MTMR8: variants seen among roughly 807,000 people sequenced by gnomAD.
MTMR8 encodes myotubularin related protein 8, also known as phosphatidylinositol-3,5-bisphosphate 3-phosphatase MTMR8.
MTMR8 carries 65 observed loss-of-function variants against 39.3 expected under a neutral mutation model. The ratio of observed to expected loss-of-function variants is 1.65; its 90% CI spans 1.35 to 2.03. The LOEUF (loss-of-function observed/expected upper bound fraction) is 2.03, where lower values mean the gene tolerates loss of function less well. Among genes scored for constraint, MTMR8 ranks in the 30% most tolerant of loss-of-function variants. MTMR8 has a pLI of 0.00. For synonymous variants in MTMR8, 245 were observed against 185.2 expected (o/e 1.32, Z -2.62); for missense variants, 777 against 538.9 (o/e 1.44, Z -4.37).
chrX:64,292,416 T>A (rs775463692), intron 12 of MTMR8, among the ~76,000 whole-genome samples: 2 of 110,924 alleles, frequency 1.8e-5, no homozygotes, highest in Non-Finnish European at 3.8e-5. Context: ...AGTAGGTGCA[T>A]GTTGGACCTC....
chrX:64,308,217 C>CT (rs1193733889), intron 12 of MTMR8, among the ~76,000 whole-genome samples: 24 of 104,682 alleles, frequency 2.3e-4, no homozygotes, highest in South Asian at 8.4e-4. Context: ...AAGCATAATA[C>CT]TTTTTTTTTT....
chrX:64,288,169 G>C (rs937143433), intron 12 of MTMR8, among the ~76,000 whole-genome samples: 6 of 107,898 alleles, frequency 5.6e-5, no homozygotes, highest in Non-Finnish European at 1.2e-4. Context: ...AAGAAAAAAC[G>C]AACAACCCCA....
chrX:64,386,715 G>C (rs1445143486), intron 1 of MTMR8, among the ~76,000 whole-genome samples: 3 of 111,585 alleles, frequency 2.7e-5, no homozygotes, highest in Non-Finnish European at 5.6e-5. Flanking sequence ...GATAGAAATA[G>C]TTTGGTGAAA....
rs756238494 is a variant in MTMR8, at chrX:64,343,009, G to A, written c.975+602C>T. ...GGGTCCTAGAGATCAGAAAATAAAT[G>A]AGTCAGCATAAATACAGGGTGACAA... On this transcript the variant is annotated intron_variant, in intron 8 of 13. Transcript: ENST00000374852. Among the ~76,000 whole-genome samples, 9 of 111,567 alleles carry A rather than the reference G, an allele frequency of 8.1e-5. No homozygotes were observed. In the South Asian group the frequency reaches 3.4e-3, roughly 42 times the overall value.
At chrX:64,325,440 A>T (rs150227748) in intron 12 of MTMR8, among the ~76,000 whole-genome samples, 1 of 112,016 alleles carries the variant, frequency 8.9e-6, no homozygotes, top group Non-Finnish European at 1.9e-5. Flanking sequence ...AAGATTATTC[A>T]CTATGATCAA....
chrX:64,314,048 C>T (rs907946215), intron 12 of MTMR8, among the ~76,000 whole-genome samples: 2 of 112,295 alleles, frequency 1.8e-5, no homozygotes, highest in African/African-American at 3.2e-5. Flanking sequence ...GGAGGCCAAG[C>T]CTCAGCTCAG....
intron 10 of MTMR8, among the ~76,000 whole-genome samples, chrX:64,334,570 T>TAAAA (rs537003359): frequency 7.2e-5 from 5 of 69,326 alleles, no homozygotes; most frequent in African/African-American, 1.9e-4. Context: ...TCTTTCAGCT[T>TAAAA]AAAAAAAAAA....
rs1273274666 is a variant in MTMR8 at position 64,299,368 on chromosome X, G to A, written c.1482-28295C>T. Among the ~76,000 whole-genome samples, 3 of 103,277 alleles carry A rather than the reference G, an allele frequency of 2.9e-5. No homozygotes were observed. The Admixed American group carries it at 3.2e-4, about 11-fold the overall frequency. 89.7% of individuals were successfully genotyped at this position (103,277 alleles called of 115,157 possible). A position where few individuals can be genotyped will look rare whatever the true frequency, so the allele number is the denominator to read the frequency against. The stretch of plus-strand genomic sequence containing the variant: ...CTAGATTTTCTAGTTTATTTGCGTA[G>A]AGGTGTTTGTAGTATTCTCTGATGG... On this transcript the variant is annotated intron_variant, in intron 12 of 13. Transcript: ENST00000374852.
intron 1 of MTMR8, among the ~76,000 whole-genome samples, chrX:64,381,672 C>T (rs1421103031): frequency 9.0e-6 from 1 of 111,025 alleles, no homozygotes; most frequent in Non-Finnish European, 1.9e-5. Flanking sequence ...ACATGAAGTC[C>T]TTGCCCATGC....
intron 1 of MTMR8, among the ~76,000 whole-genome samples, chrX:64,395,014 C>T (rs1924784524): frequency 6.2e-5 from 7 of 112,093 alleles, no homozygotes; most frequent in Admixed American, 4.7e-4. Context: ...GTATAAAAAG[C>T]TGAGATAAGG....
chrX:64,289,825 G>A (rs1921337851), intron 12 of MTMR8, among the ~76,000 whole-genome samples: 1 of 110,619 alleles, frequency 9.0e-6, no homozygotes, highest in African/African-American at 3.3e-5. Context: ...TAAAGAGGAA[G>A]GAAATTGTGA....
At position 64,343,636 on chromosome X, in the gene MTMR8, A is replaced by G; in HGVS notation, c.950T>C (p.Met317Thr). Reference sequence around the variant, plus strand: ...CTTTGTAATGAAAATTCCAGCATCCATAATAGCTTTAATGTGTCTTAACCA... The same window carrying G: ...CTTTGTAATGAAAATTCCAGCATCCGTAATAGCTTTAATGTGTCTTAACCA... ...SGWLRHIKAIMDAGIFITKAV... is the reference protein window; with the variant it reads ...SGWLRHIKAITDAGIFITKAV... The change falls in exon 8 of 14, where the codon ATG (methionine) becomes ACG (threonine). Residue 317 changes from methionine (M) to threonine (T), a missense_variant. Physicochemically the swap from Met to Thr is moderately conservative, Grantham distance 81. Transcript: ENST00000374852. The G allele has an allele frequency of 8.3e-7, 1 of 1,202,486 alleles. No individual in the cohort carries two copies. The highest frequency in any genetic ancestry group is 1.1e-6 in the Non-Finnish European group (1 of 887,636).
chrX:64,385,729 C>G (rs1164974223), intron 1 of MTMR8, among the ~76,000 whole-genome samples: 1 of 111,074 alleles, frequency 9.0e-6, no homozygotes, highest in Middle Eastern at 4.2e-3. Context: ...TCATAATTCA[C>G]TCACTATCAT....
intron 1 of MTMR8, among the ~76,000 whole-genome samples, chrX:64,367,981 A>G (rs939503430): frequency 1.8e-5 from 2 of 111,997 alleles, no homozygotes; most frequent in African/African-American, 6.5e-5. Flanking sequence ...CAGAGAGCCA[A>G]ATCATGAGTG....
At position 64,337,339 on chromosome X, in the gene MTMR8, G is replaced by T; in HGVS notation, c.1030C>A (p.Arg344Ser). The change falls in exon 9 of 14, where the codon CGC becomes AGC. Residue 344 changes from arginine to serine, a missense_variant. Physicochemically the swap from Arg to Ser is moderately radical, Grantham distance 110. Transcript: ENST00000374852. Reference sequence around the variant, plus strand: ...GCCACTGAGCAGACTTGTGCTGTGCGGTCCCATCCATCAGAACAATGGACT... The same window carrying T: ...GCCACTGAGCAGACTTGTGCTGTGCTGTCCCATCCATCAGAACAATGGACT... ...VLVHCSDGWD[R>S]TAQVCSVASI... 15 of 1,209,094 alleles carry T rather than the reference G, an allele frequency of 1.2e-5. No homozygotes were observed. Among genetic ancestry groups the T allele is most frequent in the Non-Finnish European group, 1.7e-5 (15 of 893,873 alleles).
intron 12 of MTMR8, among the ~76,000 whole-genome samples, chrX:64,291,788 A>G (rs1921405511): frequency 9.0e-6 from 1 of 111,103 alleles, no homozygotes. Flanking sequence ...ACTGAATTAC[A>G]CTCTATATTT....
At chrX:64,337,441 C>T in intron 8 of MTMR8, 48 bp from the exon 9 acceptor site, 2 of 1,182,831 alleles carry the variant, frequency 1.7e-6, no homozygotes, top group Non-Finnish European at 2.3e-6. Context: ...CTTTGCACAG[C>T]TTGTTGGATT....
At position 64,293,232 on chromosome X, in the gene MTMR8, T is replaced by C. The variant is rs762947930; in HGVS notation, c.1482-22159A>G. On this transcript the variant is annotated intron_variant, in intron 12 of 13. Transcript: ENST00000374852. The stretch of plus-strand genomic sequence containing the variant: ...GGCTAATGCTAAAACAACTGAAGAG[T>C]TCATAGCTTCACTGGATTTAGTAGA... 1.2e-4 allele frequency among the ~76,000 whole-genome samples: 13 copies of C among 111,183 alleles called. No individual in the cohort carries two copies. The South Asian group carries it at 5.0e-3, about 43-fold the overall frequency.
intron 4 of MTMR8, among the ~76,000 whole-genome samples, chrX:64,350,606 G>A (rs1332821765): frequency 9.0e-6 from 1 of 111,083 alleles, no homozygotes; most frequent in Non-Finnish European, 1.9e-5. Flanking sequence ...GCTAGCTAAT[G>A]CTTGAGTGAT....
Sources: allele counts gnomAD v4.1 joint callset (sites outside exome capture counted in the v4.1 genomes callset), GRCh38; gene constraint gnomAD v4.1.1; transcripts MANE v1.5; gene names NCBI Gene and HGNC (gene_info 2026-07-23, HGNC 2026-07-21).